The following CNTNAP3 variants were observed in gnomAD, a reference collection of about 807,000 sequenced individuals.
CNTNAP3 encodes contactin-associated protein-like 3.
CNTNAP3 carries 36 observed loss-of-function variants against 92.1 expected under a neutral mutation model. The ratio of observed to expected loss-of-function variants is 0.39; its 90% CI spans 0.30 to 0.52. The LOEUF (loss-of-function observed/expected upper bound fraction) is 0.52, where lower values mean the gene tolerates loss of function less well. Among genes scored for constraint, CNTNAP3 ranks in the 20% least tolerant of loss-of-function variants. CNTNAP3 has a pLI of 0.76. For missense variants in CNTNAP3, 534 were observed against 1,069.6 expected (o/e 0.50, Z 6.98); for synonymous variants, 232 against 422.3 (o/e 0.55, Z 5.53).
At position 39,104,477 on chromosome 9, in the gene CNTNAP3, TACACACACACACAC is replaced by T. The variant is rs60068368; in HGVS notation, c.2366-577_2366-564del. 4.0e-3 allele frequency among the ~76,000 whole-genome samples: 492 copies of T among 123,186 alleles called. 2 individuals carry two copies. The highest frequency in any genetic ancestry group is 0.017 in the South Asian group (58 of 3,482). The allele number at this position is 123,186 out of a possible 152,430, so 80.8% of individuals were successfully genotyped here. On this transcript the variant is annotated intron_variant, in intron 15 of 23. Coordinates refer to ENST00000297668, the MANE Select transcript of CNTNAP3 (RefSeq NM_033655.5). The stretch of plus-strand genomic sequence containing the variant: ...TTGCTTTCCTTCCTGCACATACACA[TACACACACACACAC>T]ACACACACACACACACACACACACA...
intron 10 of CNTNAP3, among the ~76,000 whole-genome samples, chr9:39,147,104 C>T (rs1019585340): frequency 1.3e-5 from 2 of 152,144 alleles, no homozygotes; most frequent in Non-Finnish European, 2.9e-5. Context: ...TTGCATGCTG[C>T]CATGTAAGAC....
At chr9:39,098,229 T>G (rs1169432032) in intron 18 of CNTNAP3, among the ~76,000 whole-genome samples, 1 of 146,766 alleles carries the variant, frequency 6.8e-6, no homozygotes, top group Non-Finnish European at 1.5e-5. Flanking sequence ...TTAAAACACT[T>G]TATGAAAGGT....
At chr9:39,080,281 A>G (rs1478904988) in intron 21 of CNTNAP3, among the ~76,000 whole-genome samples, 2 of 139,244 alleles carry the variant, frequency 1.4e-5, no homozygotes, top group Non-Finnish European at 3.1e-5. Flanking sequence ...CTCAATATCT[A>G]ATCACCTTTC....
intron 10 of CNTNAP3, among the ~76,000 whole-genome samples, 179 bp from the exon 11 acceptor site, chr9:39,144,525 T>A (rs551853484): frequency 6.6e-5 from 10 of 151,734 alleles, no homozygotes; most frequent in Admixed American, 3.3e-4. Flanking sequence ...TTGACAAACT[T>A]TAGATAAATA....
At chr9:39,128,564 T>C (rs1224604887) in intron 13 of CNTNAP3, among the ~76,000 whole-genome samples, 1 of 151,884 alleles carries the variant, frequency 6.6e-6, no homozygotes, top group East Asian at 1.9e-4. Flanking sequence ...AAAAGGGAAC[T>C]ACCTCCACAT....
chr9:39,087,988 G>GTACT (rs940358780), intron 19 of CNTNAP3, among the ~76,000 whole-genome samples: 26 of 152,150 alleles, frequency 1.7e-4, no homozygotes, highest in African/African-American at 6.0e-4. Context: ...AAGAACAGCT[G>GTACT]TACTTATCTG....
chr9:39,151,731 T>C (rs998826974), intron 9 of CNTNAP3, among the ~76,000 whole-genome samples: 10 of 148,158 alleles, frequency 6.7e-5, no homozygotes, highest in African/African-American at 1.0e-4. Flanking sequence ...ACAAGAGAAA[T>C]TGAATAACTA....
chr9:39,148,668 G>A (rs1355328017), intron 10 of CNTNAP3, among the ~76,000 whole-genome samples: 2 of 151,892 alleles, frequency 1.3e-5, no homozygotes, highest in African/African-American at 2.4e-5. Flanking sequence ...TGGAACTACA[G>A]GCGCCCGCCA....
At chr9:39,140,668 G>C (rs1429869585) in intron 11 of CNTNAP3, 30 bp from the exon 12 acceptor site, 7 of 1,560,510 alleles carry the variant, frequency 4.5e-6, no homozygotes, top group Non-Finnish European at 6.0e-6. Context: ...ATAAGAACCA[G>C]AAAAAATATC....
At chr9:39,079,043 C>T (rs1311928330) in intron 21 of CNTNAP3, 123 bp from the exon 22 acceptor site, 4 of 1,458,538 alleles carry the variant, frequency 2.7e-6, no homozygotes, top group Non-Finnish European at 3.7e-6. Context: ...CTCCGAACCC[C>T]TCGTTCCTTC....
At chr9:39,091,171 C>CTTTT (rs201329360) in intron 18 of CNTNAP3, among the ~76,000 whole-genome samples, 733 of 127,580 alleles carry the variant, frequency 5.7e-3, no homozygotes, top group East Asian at 5.9e-3. Flanking sequence ...TTTTCTTCTT[C>CTTTT]TTTTTTTTTT....
intron 18 of CNTNAP3, among the ~76,000 whole-genome samples, chr9:39,093,221 C>A (rs1232076866): frequency 7.6e-6 from 1 of 131,234 alleles, no homozygotes; most frequent in Non-Finnish European, 1.6e-5. Flanking sequence ...ATTATTGATA[C>A]AGTTAGATTT....
In CNTNAP3 at chr9:39,067,123, C is replaced by T. The variant is rs1238998805; in HGVS notation, c.*6767G>A. Among the ~76,000 whole-genome samples, 1 of 152,292 alleles carries T rather than the reference C, an allele frequency of 6.6e-6. No homozygotes were observed. Among genetic ancestry groups the T allele is most frequent in the African/African-American group, 2.4e-5 (1 of 41,480 alleles). On this transcript the variant is annotated 3_prime_UTR_variant, in exon 24 of 24. Coordinates refer to ENST00000297668, the MANE Select transcript of CNTNAP3 (RefSeq NM_033655.5). ...GTTTATTAATATTTTCTTCTGAAAA[C>T]TCTCATCTGCCATTAATTACATCCA... is the stretch of plus-strand genomic sequence containing the variant.
rs1821648495 is a variant in CNTNAP3 at position 39,144,337 on chromosome 9, G to C, written c.1659C>G (p.Pro553=). ...DSCGITDRCL[P]SYCEHGGECS... is the part of the protein sequence containing the mutation. ...ACTCGCCCCCATGCTCACAGTAGCT[G>C]GGCAAGCACCTAAAAGAAAACAGAT... The change falls in exon 11 of 24, where the codon CCC becomes CCG. Residue 553 remains proline (P), a synonymous_variant. Coordinates refer to ENST00000297668, the MANE Select transcript of CNTNAP3 (RefSeq NM_033655.5). 4 of 1,540,358 alleles carry C rather than the reference G, an allele frequency of 2.6e-6. No individual in the cohort carries two copies. Among genetic ancestry groups the C allele is most frequent in the Non-Finnish European group, 3.5e-6 (4 of 1,146,858 alleles).
intron 18 of CNTNAP3, among the ~76,000 whole-genome samples, chr9:39,099,603 T>C (rs1826406105): frequency 6.6e-6 from 1 of 152,146 alleles, no homozygotes; most frequent in South Asian, 2.1e-4. Flanking sequence ...TTTACTGATG[T>C]TAAAATTAGA....
In CNTNAP3 at chr9:39,161,695, T is replaced by A. The variant is rs868679596; in HGVS notation, c.1477+4238A>T. 5.0e-4 allele frequency among the ~76,000 whole-genome samples: 64 copies of A among 127,658 alleles called. 4 individuals carry two copies. The South Asian group carries it at 7.7e-3, about 15-fold the overall frequency. The allele number at this position is 127,658 out of a possible 152,430, so 83.7% of individuals were successfully genotyped here. On this transcript the variant is annotated intron_variant, in intron 9 of 23. Transcript: ENST00000297668. ...ATAATAATAATAATAATAATAATAATAAATTAGCTGGATGTGGTGGCACGT... is the reference window on the plus strand; with the variant it reads ...ATAATAATAATAATAATAATAATAAAAAATTAGCTGGATGTGGTGGCACGT...
chr9:39,128,198 T>C (rs1156784361), intron 13 of CNTNAP3, among the ~76,000 whole-genome samples: 1 of 151,886 alleles, frequency 6.6e-6, no homozygotes, highest in African/African-American at 2.4e-5. Context: ...ACATAATCTC[T>C]TCCAGAAAAC....
chr9:39,089,970 C>T (rs1487197286), intron 18 of CNTNAP3, among the ~76,000 whole-genome samples: 59 of 152,218 alleles, frequency 3.9e-4, no homozygotes, highest in East Asian at 3.9e-4. Flanking sequence ...GACAGAGTCT[C>T]GCTCTGCTGC....
At chr9:39,108,312 T>C (rs1043710192) in intron 15 of CNTNAP3, among the ~76,000 whole-genome samples, 4 of 150,880 alleles carry the variant, frequency 2.7e-5, no homozygotes, top group Non-Finnish European at 4.4e-5. Flanking sequence ...TCGATAGTGA[T>C]GTTGTGTTCT....
Sources: gnomAD v4.1 joint callset for allele counts (sites outside exome capture counted in the v4.1 genomes callset) on GRCh38, gnomAD v4.1.1 for gene constraint, MANE v1.5 for transcripts, NCBI Gene and HGNC (gene_info 2026-07-23, HGNC 2026-07-21) for gene names.